The following GPR137C variants were observed in gnomAD, a reference collection of about 807,000 sequenced individuals.
GPR137C encodes the protein integral membrane protein GPR137C.
In GPR137C, 27 loss-of-function variants were observed where a neutral mutation model predicts 43.4. The observed-to-expected ratio is 0.62, with a 90% confidence interval of 0.46 to 0.86. The LOEUF (loss-of-function observed/expected upper bound fraction) is 0.86. Among genes scored for constraint, GPR137C ranks in the 40% least tolerant of loss-of-function variants. GPR137C has a pLI of 0.00. For missense variants in GPR137C, 522 were observed against 534.6 expected, an observed-to-expected ratio of 0.98 and a Z score of 0.23; for synonymous variants, 285 against 226.9, an observed-to-expected ratio of 1.26 and a Z score of -2.30.
At chr14:52,572,544 A>G (rs1305434978) in intron 1 of GPR137C, among the ~76,000 whole-genome samples, 4 of 152,224 alleles carry the variant, frequency 2.6e-5, no homozygotes, top group African/African-American at 7.2e-5. Flanking sequence ...ATAAAATTCA[A>G]CACCCCTTCA....
At chr14:52,574,661 A>G (rs2038524152) in intron 1 of GPR137C, among the ~76,000 whole-genome samples, 1 of 152,192 alleles carries the variant, frequency 6.6e-6, no homozygotes, top group Non-Finnish European at 1.5e-5. Context: ...ATGTATACTT[A>G]TGTAACAAAC....
intron 1 of GPR137C, among the ~76,000 whole-genome samples, chr14:52,572,063 C>T (rs556734688): frequency 6.6e-6 from 1 of 152,164 alleles, no homozygotes; most frequent in South Asian, 2.1e-4. Flanking sequence ...GTCAAATCCC[C>T]GAGTAGACCA....
At chr14:52,611,029 G>A (rs1391565222) in intron 3 of GPR137C, among the ~76,000 whole-genome samples, 1 of 152,012 alleles carries the variant, frequency 6.6e-6, no homozygotes, top group Admixed American at 6.6e-5. Context: ...ATTGGATTTT[G>A]CCATAATACT....
chr14:52,634,823 A>T (rs933196184), intron 6 of GPR137C, 115 bp from the exon 7 acceptor site: 4 of 797,222 alleles, frequency 5.0e-6, no homozygotes, highest in Non-Finnish European at 8.0e-6. Flanking sequence ...ACATATTTCA[A>T]TGTATTTGAG....
chr14:52,559,246 C>T (rs1043445602), intron 1 of GPR137C, among the ~76,000 whole-genome samples: 12 of 152,034 alleles, frequency 7.9e-5, no homozygotes, highest in South Asian at 2.1e-4. Context: ...CATGGTGGCA[C>T]GCGCCTGTAG....
chr14:52,628,551 T>A (rs1396548162), intron 3 of GPR137C, among the ~76,000 whole-genome samples: 1 of 152,190 alleles, frequency 6.6e-6, no homozygotes. Flanking sequence ...ATCCCAGCAC[T>A]TTGGGAGGCC....
At chr14:52,594,454 G>A (rs2038825294) in intron 1 of GPR137C, among the ~76,000 whole-genome samples, 1 of 152,122 alleles carries the variant, frequency 6.6e-6, no homozygotes. Context: ...GGGAGTCTAA[G>A]TCTCTTTGTA....
At chr14:52,555,505 G>A (rs2038179419) in intron 1 of GPR137C, among the ~76,000 whole-genome samples, 1 of 152,146 alleles carries the variant, frequency 6.6e-6, no homozygotes, top group Non-Finnish European at 1.5e-5. Flanking sequence ...TCCAAAAAAG[G>A]AGATATATTT....
At chr14:52,582,772 C>A (rs990866246) in intron 1 of GPR137C, among the ~76,000 whole-genome samples, 11 of 151,818 alleles carry the variant, frequency 7.2e-5, no homozygotes. Flanking sequence ...CCAGCCTGGG[C>A]AACAGAGTGA....
intron 1 of GPR137C, among the ~76,000 whole-genome samples, chr14:52,558,776 T>C (rs1308128596): frequency 6.6e-6 from 1 of 152,034 alleles, no homozygotes; most frequent in Non-Finnish European, 1.5e-5. Context: ...ATGAAAAAAT[T>C]AAAAACTGAA....
intron 1 of GPR137C, among the ~76,000 whole-genome samples, chr14:52,569,533 C>A (rs1023839519): frequency 2.6e-5 from 4 of 151,756 alleles, no homozygotes; most frequent in African/African-American, 9.7e-5. Context: ...TGCAAGGAAG[C>A]TAAGAACCTT....
chr14:52,609,985 A>G (rs2039021514), intron 3 of GPR137C, among the ~76,000 whole-genome samples: 1 of 152,124 alleles, frequency 6.6e-6, no homozygotes, highest in Non-Finnish European at 1.5e-5. Flanking sequence ...AACATACACT[A>G]AGTTTATTCC....
At chr14:52,557,370 T>C (rs1287759632) in intron 1 of GPR137C, among the ~76,000 whole-genome samples, 1 of 152,224 alleles carries the variant, frequency 6.6e-6, no homozygotes, top group Admixed American at 6.5e-5. Flanking sequence ...TATAGAGTTT[T>C]GTTTAATGAA....
At chr14:52,605,615 A>G (rs1304458175) in intron 3 of GPR137C, among the ~76,000 whole-genome samples, 1 of 152,106 alleles carries the variant, frequency 6.6e-6, no homozygotes, top group Non-Finnish European at 1.5e-5. Context: ...GGGCATCCTT[A>G]TGTTGTTCCA....
chr14:52,628,764 C>T (rs1304996803), intron 3 of GPR137C, among the ~76,000 whole-genome samples: 1 of 152,096 alleles, frequency 6.6e-6, no homozygotes, highest in East Asian at 1.9e-4. Flanking sequence ...CCACTGCACT[C>T]CAGCCTGGAT....
chr14:52,625,900 A>T (rs2039220964), intron 3 of GPR137C, among the ~76,000 whole-genome samples: 1 of 152,080 alleles, frequency 6.6e-6, no homozygotes, highest in Admixed American at 6.6e-5. Context: ...GCATTACCTG[A>T]TGCCAAAGCT....
intron 1 of GPR137C, among the ~76,000 whole-genome samples, chr14:52,573,788 C>T (rs2038507885): frequency 6.6e-6 from 1 of 152,162 alleles, no homozygotes. Flanking sequence ...GAACAGGCAA[C>T]CTACAGAATC....
chr14:52,601,492 G>A (rs994049637), intron 3 of GPR137C, among the ~76,000 whole-genome samples: 2 of 150,654 alleles, frequency 1.3e-5, no homozygotes, highest in Non-Finnish European at 2.9e-5. Context: ...GTGTGTGTGT[G>A]TGTGTGTATA....
intron 3 of GPR137C, among the ~76,000 whole-genome samples, chr14:52,627,927 G>A (rs968875972): frequency 3.3e-5 from 5 of 152,198 alleles, no homozygotes; most frequent in African/African-American, 1.2e-4. Flanking sequence ...TTCTTTAGCT[G>A]TACCATTCAG....
Sources: gnomAD v4.1 joint callset for allele counts (sites outside exome capture counted in the v4.1 genomes callset) on GRCh38, gnomAD v4.1.1 for gene constraint, MANE v1.5 for transcripts, NCBI Gene and HGNC (gene_info 2026-07-23, HGNC 2026-07-21) for gene names.